Variants in CDHR3 observed in about 807,000 individuals in gnomAD.
The protein encoded by CDHR3 is cadherin related family member 3.
A neutral mutation model predicts 86.6 loss-of-function variants in CDHR3; 79 were observed. That is an observed-to-expected ratio of 0.91 (90% CI 0.76 to 1.10). CDHR3 has a LOEUF of 1.10. Among genes scored for constraint, CDHR3 ranks in the 50% least tolerant of loss-of-function variants. CDHR3 has a pLI of 0.00. For synonymous variants in CDHR3, 421 were observed against 402.4 expected (o/e 1.05, Z -0.55); for missense variants, 1,081 against 1,077.6 (o/e 1.00, Z -0.04).
At chr7:105,980,444 T>G (rs1024728153) in intron 2 of CDHR3, among the ~76,000 whole-genome samples, 1 of 151,978 alleles carries the variant, frequency 6.6e-6, no homozygotes, top group African/African-American at 2.4e-5. Flanking sequence ...TAATTATACT[T>G]TAAGTTTTAG....
intron 1 of CDHR3, 46 bp downstream of exon 1, chr7:105,963,410 T>A: frequency 6.3e-7 from 1 of 1,579,830 alleles, no homozygotes; most frequent in Non-Finnish European, 8.7e-7. Context: ...CTACTTGGTC[T>A]GCATAATACC....
chr7:106,032,976 T>C lies in CDHR3; in HGVS notation c.*279T>C. 1 of 421,682 alleles carries C rather than the reference T, an allele frequency of 2.4e-6. No homozygotes were observed. The highest frequency in any genetic ancestry group is 2.0e-5 in the African/African-American group (1 of 51,202). 26.1% of individuals were successfully genotyped at this position (421,682 alleles called of 1,614,324 possible). A position where few individuals can be genotyped will look rare whatever the true frequency, so the allele number is the denominator to read the frequency against. ...TGTTAACTTTGGGGTGTGGAATTGTTGTGTTTCTTCTTTGCATTGACTGCT... is the reference window on the plus strand; with the variant it reads ...TGTTAACTTTGGGGTGTGGAATTGTCGTGTTTCTTCTTTGCATTGACTGCT... On this transcript the variant is annotated 3_prime_UTR_variant, in exon 19 of 19. Transcript: ENST00000317716.
intron 11 of CDHR3, among the ~76,000 whole-genome samples, chr7:106,017,413 G>T (rs55739347): frequency 0.039 from 5,855 of 152,054 alleles, 156 homozygotes; most frequent in South Asian, 0.13. Context: ...AAAAAGATTA[G>T]CCAGGTGTGG....
chr7:106,024,932 G>A (rs936651265), intron 15 of CDHR3, among the ~76,000 whole-genome samples: 3 of 152,166 alleles, frequency 2.0e-5, no homozygotes, highest in African/African-American at 7.2e-5. Flanking sequence ...ATATTTAAAG[G>A]ATAGTATGGA....
intron 5 of CDHR3, 82 bp from the exon 6 acceptor site, chr7:105,996,168 C>G: frequency 1.3e-6 from 1 of 758,016 alleles, no homozygotes; most frequent in Non-Finnish European, 2.3e-6. Context: ...TCTCACTCCT[C>G]CCACCCCATG....
chr7:105,970,713 G>T (rs574820003), intron 1 of CDHR3, among the ~76,000 whole-genome samples: 1 of 152,262 alleles, frequency 6.6e-6, no homozygotes, highest in East Asian at 1.9e-4. Context: ...TGTGAATATT[G>T]TATCTTATTC....
chr7:106,008,515 T>G (rs577582156), intron 8 of CDHR3, among the ~76,000 whole-genome samples: 1 of 152,268 alleles, frequency 6.6e-6, no homozygotes, highest in African/African-American at 2.4e-5. Context: ...CCTCCTAGAA[T>G]GATCCTAATT....
At position 106,020,559 on chromosome 7, in the gene CDHR3, G is replaced by A; in HGVS notation, c.1825+15G>A. ...CATTGGCCCAGGTATAGTACTTGGT[G>A]TCGACAATCCTGGCCCTGTCTCTGA... On this transcript the variant is annotated intron_variant, in intron 13 of 18. Coordinates refer to ENST00000317716, the MANE Select transcript of CDHR3 (RefSeq NM_152750.5). 5 of 1,606,634 alleles carry A rather than the reference G, an allele frequency of 3.1e-6. No individual in the cohort carries two copies. Among genetic ancestry groups the A allele is most frequent in the South Asian group, 1.1e-5 (1 of 90,182 alleles).
In CDHR3 at chr7:106,012,896, G is replaced by C. The variant is rs781087520; in HGVS notation, c.1089G>C (p.Leu363Phe). 5 of 1,612,000 alleles carry C rather than the reference G, an allele frequency of 3.1e-6. No homozygotes were observed. The African/African-American group carries it at 4.0e-5, about 13-fold the overall frequency. ...CGGAAAGAACAGCCAAGGGGACGTT[G>C]CTTCTTGACCTAAACAAGTTCTGCT... ...MVPERTAKGT[L>F]LLDLNKFCFD... Residue 363 changes from leucine to phenylalanine, a missense_variant, in exon 9 of 19, where the codon TTG becomes TTC. Coordinates refer to ENST00000317716, the MANE Select transcript of CDHR3 (RefSeq NM_152750.5).
chr7:106,027,614 C>T (rs927769974), intron 16 of CDHR3: 1 of 447,968 alleles, frequency 2.2e-6, no homozygotes, highest in Non-Finnish European at 4.5e-6. Flanking sequence ...AAGTAGACTC[C>T]AGAGTGTGGG....
At chr7:106,016,521 C>G (rs1352283539) in intron 11 of CDHR3, among the ~76,000 whole-genome samples, 2 of 152,150 alleles carry the variant, frequency 1.3e-5, no homozygotes, top group East Asian at 1.9e-4. Flanking sequence ...GGCTCCTCCC[C>G]CTTTAAGGAA....
chr7:105,965,006 C>A (rs1363289676), intron 1 of CDHR3, among the ~76,000 whole-genome samples: 1 of 151,882 alleles, frequency 6.6e-6, no homozygotes, highest in East Asian at 1.9e-4. Context: ...AGGAAGAACC[C>A]AATTTCTTAT....
At chr7:106,025,740 C>T (rs187806377) in intron 15 of CDHR3, among the ~76,000 whole-genome samples, 15 of 152,260 alleles carry the variant, frequency 9.9e-5, no homozygotes, top group Admixed American at 4.6e-4. Context: ...TAAAGATGTG[C>T]GTTGCATTTT....
chr7:106,020,502 C>G lies in CDHR3; in HGVS notation c.1783C>G (p.Leu595Val). The change falls in exon 13 of 19, where the codon CTT becomes GTT. Residue 595 changes from leucine (L) to valine (V), a missense_variant. Transcript: ENST00000317716. ...IQNFKLTCTDLDSSPRSFRYS... is the reference protein window; with the variant it reads ...IQNFKLTCTDVDSSPRSFRYS... ...GAATTTCAAGCTGACATGTACCGACCTTGATTCCAGCCCCAGATCTTTCCG... is the reference window on the plus strand; with the variant it reads ...GAATTTCAAGCTGACATGTACCGACGTTGATTCCAGCCCCAGATCTTTCCG... 1 of 1,614,012 alleles carries G rather than the reference C, an allele frequency of 6.2e-7. No homozygotes were observed. Among genetic ancestry groups the G allele is most frequent in the Non-Finnish European group, 8.5e-7 (1 of 1,179,886 alleles).
At chr7:106,031,773 T>A (rs567019406) in intron 18 of CDHR3, among the ~76,000 whole-genome samples, 300 of 151,780 alleles carry the variant, frequency 2.0e-3, no homozygotes, top group African/African-American at 7.1e-3. Context: ...GGGGGATTTT[T>A]GTGTTTTTGT....
chr7:106,024,662 C>A, intron 15 of CDHR3, 100 bp downstream of exon 15: 1 of 1,281,884 alleles, frequency 7.8e-7, no homozygotes, highest in Non-Finnish European at 1.1e-6. Flanking sequence ...GATTTCTCTA[C>A]AAGGCAGGTT....
chr7:105,975,701 C>T (rs536477376), intron 2 of CDHR3, among the ~76,000 whole-genome samples: 54 of 152,272 alleles, frequency 3.5e-4, no homozygotes, highest in Non-Finnish European at 7.6e-4. Flanking sequence ...CACTGGTAAC[C>T]GCAGAGGCCT....
At chr7:105,983,802 T>G (rs1006779252) in intron 3 of CDHR3, among the ~76,000 whole-genome samples, 2 of 152,164 alleles carry the variant, frequency 1.3e-5, no homozygotes, top group African/African-American at 4.8e-5. Context: ...AACAGCACAG[T>G]TGAGGAGAGA....
intron 17 of CDHR3, among the ~76,000 whole-genome samples, chr7:106,028,924 C>CTTTCTT (rs1563311812): frequency 1.2e-4 from 11 of 89,992 alleles, no homozygotes; most frequent in Non-Finnish European, 2.0e-4. Context: ...AATTTTCTTT[C>CTTTCTT]TTTCTTTCTT....
Sources: allele counts gnomAD v4.1 joint callset (sites outside exome capture counted in the v4.1 genomes callset), GRCh38; gene constraint gnomAD v4.1.1; transcripts MANE v1.5; gene names NCBI Gene and HGNC (gene_info 2026-07-23, HGNC 2026-07-21).